LNX1: variants seen among roughly 807,000 people sequenced by gnomAD.
LNX1 encodes the protein E3 ubiquitin-protein ligase LNX.
In LNX1, 54 loss-of-function variants were observed where a neutral mutation model predicts 68.4. The observed-to-expected ratio is 0.79, with a 90% confidence interval of 0.63 to 0.99. LNX1 has a LOEUF of 0.99. LNX1 is among the 50% of genes least tolerant of loss of function. The probability of loss-of-function intolerance (pLI) is 0.00; values close to 1 mark genes in which losing one functional copy is unlikely to be tolerated. For synonymous variants in LNX1, 336 were observed against 350.0 expected (o/e 0.96, Z 0.45); for missense variants, 906 against 926.4 (o/e 0.98, Z 0.29).
upstream of LNX1, among the ~76,000 whole-genome samples, chr4:53,621,390 G>A (rs1438995083): frequency 6.6e-6 from 1 of 152,188 alleles, no homozygotes; most frequent in East Asian, 1.9e-4. Context: ...TAGAAAGTGA[G>A]CATCTCCAGG....
At chr4:53,464,038 T>C (rs1722444272) in intron 9 of LNX1, among the ~76,000 whole-genome samples, 1 of 152,052 alleles carries the variant, frequency 6.6e-6, no homozygotes, top group Non-Finnish European at 1.5e-5. Flanking sequence ...TTTAAATTTT[T>C]CATTGCTAAG....
intron 6 of LNX1, among the ~76,000 whole-genome samples, chr4:53,483,632 C>A (rs1036063632): frequency 4.6e-5 from 7 of 152,212 alleles, no homozygotes; most frequent in Non-Finnish European, 8.8e-5. Context: ...ATTCCCAAGA[C>A]AGACCTGGTT....
intron 9 of LNX1, among the ~76,000 whole-genome samples, chr4:53,469,877 A>G (rs1723020193): frequency 6.6e-6 from 1 of 152,218 alleles, no homozygotes; most frequent in South Asian, 2.1e-4. Context: ...AAAGTCCAGG[A>G]CCAGATGGAT....
intron 2 of LNX1, among the ~76,000 whole-genome samples, chr4:53,546,981 A>T (rs1304801489): frequency 6.6e-6 from 1 of 152,188 alleles, no homozygotes; most frequent in East Asian, 1.9e-4. Context: ...TTCTCAGCTC[A>T]AGTCAGCCAT....
chr4:53,627,808 T>C (rs1316531616), intron 1 of LNX1, among the ~76,000 whole-genome samples: 1 of 152,190 alleles, frequency 6.6e-6, no homozygotes, highest in Non-Finnish European at 1.5e-5. Flanking sequence ...GGTCTAGAAG[T>C]GCTTGAGTTA....
chr4:53,640,498 G>A (rs1734638033), intron 1 of LNX1, among the ~76,000 whole-genome samples: 1 of 152,206 alleles, frequency 6.6e-6, no homozygotes, highest in Non-Finnish European at 1.5e-5. Context: ...GCTTAGGATA[G>A]AGCACTGGCA....
At chr4:53,585,294 A>T (rs1732096394) in intron 1 of LNX1, among the ~76,000 whole-genome samples, 1 of 152,184 alleles carries the variant, frequency 6.6e-6, no homozygotes, top group Non-Finnish European at 1.5e-5. Flanking sequence ...CATAGAAATA[A>T]ATGAAGGTAG....
chr4:53,496,499 C>T, intron 5 of LNX1, 105 bp from the exon 6 acceptor site: 1 of 1,357,098 alleles, frequency 7.4e-7, no homozygotes, highest in Admixed American at 2.6e-5. Flanking sequence ...AAAGACTGCT[C>T]TGCTCTCCCA....
At chr4:53,582,543 C>A (rs1731900079) in intron 1 of LNX1, among the ~76,000 whole-genome samples, 1 of 152,154 alleles carries the variant, frequency 6.6e-6, no homozygotes, top group African/African-American at 2.4e-5. Flanking sequence ...CTACTGTATT[C>A]ATGTTTGCTT....
chr4:53,483,168 G>A (rs1429198930), intron 6 of LNX1, among the ~76,000 whole-genome samples: 5 of 152,082 alleles, frequency 3.3e-5, no homozygotes, highest in East Asian at 1.9e-4. Context: ...TAAGTCTCAC[G>A]AGATCTGATG....
chr4:53,492,761 ACTAGGAATGGC>A (rs923974815), intron 6 of LNX1, among the ~76,000 whole-genome samples: 5 of 151,994 alleles, frequency 3.3e-5, no homozygotes, highest in Admixed American at 6.5e-5. Flanking sequence ...ATTTTTATAG[ACTAGGAATGGC>A]CTAGGGGAGA....
intron 6 of LNX1, among the ~76,000 whole-genome samples, chr4:53,487,652 G>A (rs1262712013): frequency 6.6e-6 from 1 of 152,210 alleles, no homozygotes; most frequent in South Asian, 2.1e-4. Flanking sequence ...GCATAGCCTT[G>A]GTCCACAGGA....
intron 2 of LNX1, among the ~76,000 whole-genome samples, chr4:53,602,622 G>A (rs555839084): frequency 5.9e-5 from 9 of 152,284 alleles, no homozygotes; most frequent in African/African-American, 1.4e-4. Flanking sequence ...GCCTTTACAC[G>A]TGGTGACTAA....
intron 6 of LNX1, among the ~76,000 whole-genome samples, chr4:53,492,506 T>TGAGAGAGAGAGAGG (rs1724751989): frequency 1.1e-5 from 1 of 88,942 alleles, no homozygotes; most frequent in Non-Finnish European, 2.3e-5. Context: ...CAGAGGGCTC[T>TGAGAGAGAGAGAGG]GAGAGAGAGA....
intron 6 of LNX1, among the ~76,000 whole-genome samples, chr4:53,484,105 C>A (rs1724130235): frequency 6.6e-6 from 1 of 152,140 alleles, no homozygotes; most frequent in African/African-American, 2.4e-5. Context: ...TCCCCAGACA[C>A]CAAACCGGCT....
rs1280834602 is a variant in LNX1, at chr4:53,461,301, A to G, written c.2051+134T>C. The G allele has an allele frequency of 4.0e-6, 3 of 752,502 alleles. No individual in the cohort carries two copies. The African/African-American group carries it at 5.3e-5, about 13-fold the overall frequency. The allele number at this position is 752,502 out of a possible 1,614,324, so 46.6% of individuals were successfully genotyped here. On this transcript the variant is annotated intron_variant, in intron 10 of 10. Coordinates refer to ENST00000263925, the MANE Select transcript of LNX1 (RefSeq NM_001126328.3). ...GTGTAATTATTTTGGATTTCTCAGA[A>G]GTTGAATGCTACGTACATACTTTTA...
chr4:53,537,361 T>C (rs575203672), intron 2 of LNX1, among the ~76,000 whole-genome samples: 1 of 152,318 alleles, frequency 6.6e-6, no homozygotes, highest in South Asian at 2.1e-4. Flanking sequence ...CAATGTTTTG[T>C]CTGAGGGTCA....
chr4:53,610,137 C>T (rs764283077), intron 2 of LNX1, among the ~76,000 whole-genome samples: 5 of 151,738 alleles, frequency 3.3e-5, no homozygotes, highest in Non-Finnish European at 5.9e-5. Context: ...TTCATATGTC[C>T]GCAGAACATT....
rs1553931985 is a variant in LNX1, at chr4:53,492,506, T to TGAGAGAGAGTGAGA, written c.1350+3516_1350+3517insTCTCACTCTCTCTC. On this transcript the variant is annotated intron_variant, in intron 6 of 10. Coordinates refer to ENST00000263925, the MANE Select transcript of LNX1 (RefSeq NM_001126328.3). ...TGTCTCAGGAGGCCTCAGAGGGCTC[T>TGAGAGAGAGTGAGA]GAGAGAGAGAGAGAGAGAGAGAGAG... Among the ~76,000 whole-genome samples the TGAGAGAGAGTGAGA allele has an allele frequency of 1.5e-4, 13 of 88,942 alleles. 1 individual carries two copies. Among genetic ancestry groups the TGAGAGAGAGTGAGA allele is most frequent in the African/African-American group, 4.4e-4 (11 of 24,982 alleles). The allele number at this position is 88,942 out of a possible 152,430, so 58.3% of individuals were successfully genotyped here. A position where few individuals can be genotyped will look rare whatever the true frequency, so the allele number is the denominator to read the frequency against.
Sources: allele counts gnomAD v4.1 joint callset (sites outside exome capture counted in the v4.1 genomes callset), GRCh38; gene constraint gnomAD v4.1.1; transcripts MANE v1.5; gene names NCBI Gene and HGNC (gene_info 2026-07-23, HGNC 2026-07-21).